The following ZNF804A variants were observed in gnomAD, a reference collection of about 807,000 sequenced individuals.
ZNF804A encodes zinc finger protein 804A.
ZNF804A carries 2 observed loss-of-function variants against 16.5 expected under a neutral mutation model. The ratio of observed to expected loss-of-function variants is 0.12; its 90% CI spans 0.05 to 0.38. The LOEUF (loss-of-function observed/expected upper bound fraction) is 0.38. Among genes scored for constraint, ZNF804A ranks in the 10% least tolerant of loss-of-function variants. The pLI, the probability that ZNF804A is intolerant of heterozygous loss-of-function variation, is 0.99. For missense variants in ZNF804A, 1,473 were observed against 1,390.7 expected, an observed-to-expected ratio of 1.06 and a Z score of -0.94; for synonymous variants, 534 against 489.6, an observed-to-expected ratio of 1.09 and a Z score of -1.20.
intron 2 of ZNF804A, chr2:184,902,291 T>A (rs1685198223): frequency 6.4e-6 from 1 of 157,368 alleles, no homozygotes; most frequent in South Asian, 2.0e-4. Flanking sequence ...TGAGCACAAC[T>A]GTGTTGTTAG....
At chr2:184,640,625 A>T (rs1376579348) in intron 1 of ZNF804A, among the ~76,000 whole-genome samples, 1 of 152,186 alleles carries the variant, frequency 6.6e-6, no homozygotes, top group African/African-American at 2.4e-5. Context: ...AATAATAAGG[A>T]TGATATATAA....
At chr2:184,872,337 G>C (rs944541282) in intron 2 of ZNF804A, among the ~76,000 whole-genome samples, 2 of 152,022 alleles carry the variant, frequency 1.3e-5, no homozygotes, top group Non-Finnish European at 2.9e-5. Context: ...AGGTCGTAGA[G>C]CAAAAACAAA....
At chr2:184,676,619 G>A (rs1198206939) in intron 1 of ZNF804A, among the ~76,000 whole-genome samples, 4 of 151,472 alleles carry the variant, frequency 2.6e-5, no homozygotes, top group Non-Finnish European at 5.9e-5. Flanking sequence ...AGATCCCATA[G>A]GCAACAGTAT....
intron 1 of ZNF804A, among the ~76,000 whole-genome samples, chr2:184,811,562 T>A (rs1213225105): frequency 6.6e-6 from 1 of 152,124 alleles, no homozygotes; most frequent in Non-Finnish European, 1.5e-5. Flanking sequence ...AATTTAAATA[T>A]TGAAGCCAGG....
At chr2:184,605,125 A>G (rs1691122098) in intron 1 of ZNF804A, among the ~76,000 whole-genome samples, 1 of 152,182 alleles carries the variant, frequency 6.6e-6, no homozygotes, top group Non-Finnish European at 1.5e-5. Context: ...AAATACTTGT[A>G]GTAATGATAT....
intron 1 of ZNF804A, among the ~76,000 whole-genome samples, chr2:184,656,127 G>A (rs189606790): frequency 1.6e-4 from 24 of 151,894 alleles, no homozygotes; most frequent in South Asian, 1.5e-3. Flanking sequence ...TTCCTTTGTC[G>A]GTAGAATTTT....
In ZNF804A at chr2:184,653,035, C is replaced by G. The variant is rs536676778; in HGVS notation, c.111+53965C>G. On this transcript the variant is annotated intron_variant, in intron 1 of 3. Transcript: ENST00000302277. The stretch of plus-strand genomic sequence containing the variant: ...AACTCAGCCCTTCGGAACTGTGAGT[C>G]AATTAAACCTCTTTCCTTTATAAAT... 3.3e-5 allele frequency among the ~76,000 whole-genome samples: 5 copies of G among 152,280 alleles called. No individual in the cohort carries two copies. In the South Asian group the frequency reaches 1.0e-3, roughly 32 times the overall value.
At chr2:184,815,891 T>C (rs1261265868) in intron 1 of ZNF804A, among the ~76,000 whole-genome samples, 1 of 152,044 alleles carries the variant, frequency 6.6e-6, no homozygotes, top group Non-Finnish European at 1.5e-5. Context: ...TTTTTGTATT[T>C]GTGTTGCTGT....
intron 1 of ZNF804A, among the ~76,000 whole-genome samples, chr2:184,799,458 C>A (rs1326920174): frequency 6.6e-6 from 1 of 152,056 alleles, no homozygotes; most frequent in Non-Finnish European, 1.5e-5. Context: ...CCTTCCTTAT[C>A]ATATTGTAAT....
chr2:184,773,491 TG>T (rs1694246686), intron 1 of ZNF804A, among the ~76,000 whole-genome samples: 1 of 151,986 alleles, frequency 6.6e-6, no homozygotes, highest in Non-Finnish European at 1.5e-5. Flanking sequence ...AAGGAAATAA[TG>T]GCATTCATAG....
At chr2:184,892,503 T>TTTTTTG (rs1685001056) in intron 2 of ZNF804A, among the ~76,000 whole-genome samples, 1 of 145,342 alleles carries the variant, frequency 6.9e-6, no homozygotes, top group Non-Finnish European at 1.5e-5. Flanking sequence ...TTTTTTTTTT[T>TTTTTTG]TTATGGAGTC....
chr2:184,696,984 G>T (rs1274138298), intron 1 of ZNF804A, among the ~76,000 whole-genome samples: 1 of 151,650 alleles, frequency 6.6e-6, no homozygotes, highest in Non-Finnish European at 1.5e-5. Context: ...TTATATTTTA[G>T]GTTATTATTA....
intron 1 of ZNF804A, among the ~76,000 whole-genome samples, chr2:184,732,321 G>A (rs7579459): frequency 0.073 from 11,046 of 151,566 alleles, 1,371 homozygotes; most frequent in African/African-American, 0.25. Flanking sequence ...CTTTGCCATT[G>A]TATTGTCTTT....
chr2:184,662,472 C>A (rs1559120381), intron 1 of ZNF804A, among the ~76,000 whole-genome samples: 1 of 152,130 alleles, frequency 6.6e-6, no homozygotes, highest in Non-Finnish European at 1.5e-5. Context: ...CATTAGTCTA[C>A]TTGGCTATTT....
chr2:184,693,212 T>C (rs1179862535), intron 1 of ZNF804A, among the ~76,000 whole-genome samples: 1 of 152,076 alleles, frequency 6.6e-6, no homozygotes, highest in Non-Finnish European at 1.5e-5. Flanking sequence ...TAGAGAAAAA[T>C]CTAGGATTAA....
chr2:184,803,858 CT>C lies in ZNF804A; in HGVS notation c.112-62502del, dbSNP rs1043170929. 2.8e-3 allele frequency among the ~76,000 whole-genome samples: 402 copies of C among 143,058 alleles called. 2 individuals are homozygous for C. Among genetic ancestry groups the C allele is most frequent in the African/African-American group, 9.7e-3 (377 of 38,816 alleles). The allele number at this position is 143,058 out of a possible 152,430, so 93.9% of individuals were successfully genotyped here. On this transcript the variant is annotated intron_variant, in intron 1 of 3. Coordinates refer to ENST00000302277, the MANE Select transcript of ZNF804A (RefSeq NM_194250.2). ...GTGTTTATATCCTCTTCTTTTCTGT[CT>C]TTTTTTTTGGGGGGGAGGGGGGTGA...
Position 184,936,276 on chromosome 2 carries a change from CAA to C in ZNF804A, c.881_882del (p.Gln294ArgfsTer7). ...CAGAGACAAAGAAACTGTTCAAACT[CAA>C]GAGATAAAAGAAGTCTCTAGTGAAA... ...MCRDKETVQT[Q>X]EIKEVSSEKD... On this transcript the variant is annotated frameshift_variant, in exon 4 of 4. Coordinates refer to ENST00000302277, the MANE Select transcript of ZNF804A (RefSeq NM_194250.2). LOFTEE classifies it low-confidence loss of function (END_TRUNC). The C allele has an allele frequency of 1.2e-6, 2 of 1,613,902 alleles. No homozygotes were observed.
chr2:184,721,133 A>G lies in ZNF804A; in HGVS notation c.111+122063A>G, dbSNP rs555876811. Reference sequence around the variant, plus strand: ...AGACTTAAACATAAGACTCAAAACTATTAAAATCCTAGAAGAAGACATAGG... The same window carrying G: ...AGACTTAAACATAAGACTCAAAACTGTTAAAATCCTAGAAGAAGACATAGG... On this transcript the variant is annotated intron_variant, in intron 1 of 3. Coordinates refer to ENST00000302277, the MANE Select transcript of ZNF804A (RefSeq NM_194250.2). Among the ~76,000 whole-genome samples the G allele has an allele frequency of 1.2e-4, 19 of 152,316 alleles. 1 individual carries two copies. In the South Asian group the frequency reaches 3.9e-3, roughly 32 times the overall value.
intron 2 of ZNF804A, among the ~76,000 whole-genome samples, chr2:184,911,336 T>C (rs1280264491): frequency 6.6e-6 from 1 of 152,070 alleles, no homozygotes; most frequent in African/African-American, 2.4e-5. Context: ...TATGTGTTTG[T>C]TTTTGTACCA....
Sources: allele counts gnomAD v4.1 joint callset (sites outside exome capture counted in the v4.1 genomes callset), GRCh38; gene constraint gnomAD v4.1.1; transcripts MANE v1.5; gene names NCBI Gene and HGNC (gene_info 2026-07-23, HGNC 2026-07-21).